Variants in ALMS1 observed in about 807,000 individuals in gnomAD.
The protein encoded by ALMS1 is ALMS1 centrosome and basal body associated protein, also known as centrosome-associated protein ALMS1.
Under a neutral mutation model 352.2 loss-of-function variants are expected in ALMS1, and 271 were observed. The ratio of observed to expected loss-of-function variants is 0.77; its 90% CI spans 0.70 to 0.85. ALMS1 has a LOEUF of 0.85. ALMS1 is among the 40% of genes least tolerant of loss of function. The pLI is 0.00. For missense variants in ALMS1, 5,445 were observed against 4,870.7 expected, an observed-to-expected ratio of 1.12 and a Z score of -3.51; for synonymous variants, 1,865 against 1,761.2, an observed-to-expected ratio of 1.06 and a Z score of -1.48.
At position 73,505,546 on chromosome 2, in the gene ALMS1, C is replaced by T. The variant is rs138441654; in HGVS notation, c.9539+14048C>T. On this transcript the variant is annotated intron_variant, in intron 10 of 22. Coordinates refer to ENST00000613296, the MANE Select transcript of ALMS1 (RefSeq NM_001378454.1). ...TTGAAAAGTGTCTGTTTATATCCTT[C>T]GCCCACTTTTTGATGGGGTTGTTTG... Among the ~76,000 whole-genome samples the T allele has an allele frequency of 4.6e-3, 699 of 152,176 alleles. 3 individuals carry two copies. Among genetic ancestry groups the T allele is most frequent in the African/African-American group, 0.016 (657 of 41,512 alleles).
chr2:73,423,680 C>T lies in ALMS1; in HGVS notation c.764+706C>T, dbSNP rs535405710. ...TGATATCACTTTTATGAAAAGTGAT[C>T]TATACACATTAGATCATCAACTAAT... is the stretch of plus-strand genomic sequence containing the variant. On this transcript the variant is annotated intron_variant, in intron 4 of 22. Transcript: ENST00000613296. Among the ~76,000 whole-genome samples the T allele has an allele frequency of 2.6e-5, 4 of 152,210 alleles. No homozygotes were observed. The South Asian group carries it at 8.3e-4, about 32-fold the overall frequency.
At chr2:73,469,102 C>T (rs980370306) in intron 9 of ALMS1, among the ~76,000 whole-genome samples, 1 of 151,850 alleles carries the variant, frequency 6.6e-6, no homozygotes, top group African/African-American at 2.4e-5. Flanking sequence ...TTCTCCTTCT[C>T]TCTTCTGTTT....
intron 9 of ALMS1, among the ~76,000 whole-genome samples, chr2:73,486,436 TGGCTGG>T (rs1672848454): frequency 1.3e-5 from 2 of 152,162 alleles, no homozygotes; most frequent in Non-Finnish European, 2.9e-5. Context: ...CTGTGATGGT[TGGCTGG>T]AGTAGAATGG....
At chr2:73,504,234 G>A (rs971397325) in intron 10 of ALMS1, among the ~76,000 whole-genome samples, 2 of 152,130 alleles carry the variant, frequency 1.3e-5, no homozygotes, top group East Asian at 1.9e-4. Flanking sequence ...GACTACAGAC[G>A]CTAATCAGAT....
At chr2:73,398,362 T>G (rs912023182) in intron 1 of ALMS1, among the ~76,000 whole-genome samples, 4 of 152,246 alleles carry the variant, frequency 2.6e-5, no homozygotes, top group African/African-American at 9.6e-5. Flanking sequence ...CGTTGATACA[T>G]GCTGTCTTTA....
Position 73,490,031 on chromosome 2 carries a change from C to T in ALMS1, c.8072C>T (p.Pro2691Leu). Residue 2691 changes from proline (P) to leucine (L), a missense_variant, in exon 10 of 23, where the codon CCT (proline) becomes CTT (leucine). Coordinates refer to ENST00000613296, the MANE Select transcript of ALMS1 (RefSeq NM_001378454.1). ...SELVEPAFVP[P>L]KEVDFHSSSQ... ...TTAGTAGAACCTGCTTTTGTGCCACCTAAAGAAGTGGATTTTCATTCTTCA... is the reference window on the plus strand; with the variant it reads ...TTAGTAGAACCTGCTTTTGTGCCACTTAAAGAAGTGGATTTTCATTCTTCA... The T allele has an allele frequency of 8.7e-6, 14 of 1,614,204 alleles. No individual in the cohort carries two copies. The highest frequency in any genetic ancestry group is 1.1e-5 in the Non-Finnish European group (13 of 1,180,044).
intron 2 of ALMS1, among the ~76,000 whole-genome samples, chr2:73,413,877 A>G (rs939575806): frequency 2.6e-5 from 4 of 152,174 alleles, no homozygotes; most frequent in African/African-American, 9.7e-5. Flanking sequence ...ATTTCTGCAC[A>G]CTATTCCATT....
chr2:73,552,649 C>A (rs1470858595), intron 13 of ALMS1, among the ~76,000 whole-genome samples: 1 of 152,176 alleles, frequency 6.6e-6, no homozygotes, highest in Non-Finnish European at 1.5e-5. Context: ...GACTTTGCAT[C>A]CTAAGGAAAA....
At chr2:73,442,001 C>T (rs1671728418) in intron 7 of ALMS1, among the ~76,000 whole-genome samples, 2 of 152,100 alleles carry the variant, frequency 1.3e-5, no homozygotes, top group Admixed American at 6.5e-5. Flanking sequence ...GATGGGGACA[C>T]CTATGCCATG....
chr2:73,467,258 C>T (rs1014682961), intron 9 of ALMS1, among the ~76,000 whole-genome samples: 4 of 152,048 alleles, frequency 2.6e-5, no homozygotes, highest in South Asian at 2.1e-4. Context: ...GACATAAATT[C>T]AGAATATATA....
chr2:73,491,411 A>G lies in ALMS1; in HGVS notation c.9452A>G (p.Gln3151Arg). Residue 3151 changes from glutamine to arginine, a missense_variant, in exon 10 of 23, where the codon CAG becomes CGG. Coordinates refer to ENST00000613296, the MANE Select transcript of ALMS1 (RefSeq NM_001378454.1). ...AAAACCATACCTTCTCAGAATAGCCAGATAGTAACCTCCAGGCAAATACAA... is the reference window on the plus strand; with the variant it reads ...AAAACCATACCTTCTCAGAATAGCCGGATAGTAACCTCCAGGCAAATACAA... ...DLKTIPSQNSQIVTSRQIQVN... is the reference protein window; with the variant it reads ...DLKTIPSQNSRIVTSRQIQVN... The G allele has an allele frequency of 6.2e-7, 1 of 1,614,130 alleles. No individual in the cohort carries two copies. The highest frequency in any genetic ancestry group is 1.1e-5 in the South Asian group (1 of 91,078).
At chr2:73,540,603 A>G (rs1314415484) in intron 12 of ALMS1, among the ~76,000 whole-genome samples, 1 of 152,216 alleles carries the variant, frequency 6.6e-6, no homozygotes, top group African/African-American at 2.4e-5. Flanking sequence ...GTCAAGACCC[A>G]TCCGTGTGCT....
chr2:73,464,915 A>G (rs536395362), intron 9 of ALMS1, among the ~76,000 whole-genome samples: 4 of 152,332 alleles, frequency 2.6e-5, no homozygotes, highest in South Asian at 2.1e-4. Flanking sequence ...TTCAAGGAGA[A>G]CTACAAACCA....
intron 12 of ALMS1, 91 bp downstream of exon 12, chr2:73,535,040 C>G (rs1288900732): frequency 3.3e-6 from 5 of 1,527,012 alleles, no homozygotes; most frequent in Non-Finnish European, 4.5e-6. Context: ...GTCCAGTGCT[C>G]TTTAATTTTT....
intron 7 of ALMS1, among the ~76,000 whole-genome samples, chr2:73,444,480 C>T (rs1671771169): frequency 6.6e-6 from 1 of 152,194 alleles, no homozygotes; most frequent in South Asian, 2.1e-4. Context: ...CTATAACGCA[C>T]TTTACCTAAC....
intron 15 of ALMS1, among the ~76,000 whole-genome samples, chr2:73,563,807 G>A (rs1378019697): frequency 6.6e-6 from 1 of 151,364 alleles, no homozygotes; most frequent in Non-Finnish European, 1.5e-5. Flanking sequence ...TGAGGCAAAA[G>A]GTGCTTAACA....
chr2:73,547,693 T>C (rs902399872), intron 12 of ALMS1, among the ~76,000 whole-genome samples: 3 of 152,254 alleles, frequency 2.0e-5, no homozygotes, highest in African/African-American at 7.2e-5. Context: ...TTTATTCTAG[T>C]ACTACTGCAA....
At chr2:73,424,963 A>G in intron 5 of ALMS1, 61 bp downstream of exon 5, 1 of 1,433,620 alleles carries the variant, frequency 7.0e-7, no homozygotes, top group Non-Finnish European at 9.5e-7. Flanking sequence ...AAAATTCCCA[A>G]GGGAAGTAAC....
intron 7 of ALMS1, among the ~76,000 whole-genome samples, chr2:73,438,913 C>A (rs775909979): frequency 1.3e-5 from 2 of 152,024 alleles, no homozygotes; most frequent in Non-Finnish European, 2.9e-5. Flanking sequence ...TAAGAATTCT[C>A]TTTGTCCCTC....
Sources: allele counts gnomAD v4.1 joint callset (sites outside exome capture counted in the v4.1 genomes callset), GRCh38; gene constraint gnomAD v4.1.1; transcripts MANE v1.5; gene names NCBI Gene and HGNC (gene_info 2026-07-23, HGNC 2026-07-21).